Variants in ZNF536 observed in about 807,000 individuals in gnomAD.
The protein encoded by ZNF536 is zinc finger protein 536.
In ZNF536, 13 loss-of-function variants were observed where a neutral mutation model predicts 84.5. The ratio of observed to expected loss-of-function variants is 0.15; its 90% CI spans 0.10 to 0.24. The LOEUF (loss-of-function observed/expected upper bound fraction) is 0.24, where lower values mean the gene tolerates loss of function less well. Ranked by LOEUF, ZNF536 falls within the 10% of genes least tolerant of loss-of-function variation. ZNF536 has a pLI of 1.00. For synonymous variants in ZNF536, 811 were observed against 742.5 expected (o/e 1.09, Z -1.50); for missense variants, 1,536 against 1,747.5 (o/e 0.88, Z 2.16).
At chr19:30,427,615 G>C (rs1345245726) in intron 1 of ZNF536, among the ~76,000 whole-genome samples, 1 of 152,044 alleles carries the variant, frequency 6.6e-6, no homozygotes, top group South Asian at 2.1e-4. Context: ...TAGATTTCTC[G>C]GGGTCATGTA....
chr19:30,453,128 C>T (rs968869853), intron 2 of ZNF536, among the ~76,000 whole-genome samples: 21 of 152,126 alleles, frequency 1.4e-4, no homozygotes, highest in Non-Finnish European at 2.2e-4. Context: ...CTGGCACTGC[C>T]GCAGCCAGGC....
intron 1 of ZNF536, among the ~76,000 whole-genome samples, chr19:30,691,428 T>C (rs1414234148): frequency 6.8e-6 from 1 of 146,196 alleles, no homozygotes; most frequent in Admixed American, 6.8e-5. Context: ...GTTAATCAAA[T>C]TGGGGCTGAG....
chr19:30,453,666 C>T (rs1396346454), intron 2 of ZNF536, among the ~76,000 whole-genome samples: 6 of 152,218 alleles, frequency 3.9e-5, no homozygotes, highest in Admixed American at 1.3e-4. Context: ...CCCTGAGCCA[C>T]ATCTTCAAAA....
chr19:30,442,607 C>T (rs999220528), intron 1 of ZNF536, among the ~76,000 whole-genome samples: 1 of 152,136 alleles, frequency 6.6e-6, no homozygotes, highest in Admixed American at 6.5e-5. Context: ...TATAAGGTAT[C>T]GGTGTTTCCT....
rs1236039573 is a variant in ZNF536 at position 30,383,810 on chromosome 19, TTC to T, written c.-3+11260_-3+11261del. ...TTTCTTTTCTTTCTTTTCTCTTTCT[TTC>T]TCTCTTTCTTTCTTTCTCCTTCTTT... is the stretch of plus-strand genomic sequence containing the variant. On this transcript the variant is annotated intron_variant, in intron 1 of 4. Transcript: ENST00000355537. 1.5e-3 allele frequency among the ~76,000 whole-genome samples: 216 copies of T among 145,218 alleles called. 2 individuals are homozygous for T. Among genetic ancestry groups the T allele is most frequent in the African/African-American group, 5.3e-3 (203 of 38,248 alleles).
intron 2 of ZNF536, among the ~76,000 whole-genome samples, chr19:30,497,304 AC>A (rs1474300819): frequency 6.6e-6 from 1 of 152,168 alleles, no homozygotes; most frequent in African/African-American, 2.4e-5. Flanking sequence ...TTTTATCACA[AC>A]ATGCACAAGC....
intron 4 of ZNF536, among the ~76,000 whole-genome samples, chr19:30,552,435 C>T (rs1341216320): frequency 6.6e-6 from 1 of 152,152 alleles, no homozygotes; most frequent in African/African-American, 2.4e-5. Flanking sequence ...GCTCTGTTCT[C>T]AAGGGGTGTA....
chr19:30,585,186 T>C (rs561146575), intron 1 of ZNF536, among the ~76,000 whole-genome samples: 2 of 151,870 alleles, frequency 1.3e-5, no homozygotes, highest in Non-Finnish European at 2.9e-5. Context: ...GCCCAAGAAA[T>C]AGGCTAAGTT....
At chr19:30,705,093 G>A (rs1170290751) in intron 1 of ZNF536, among the ~76,000 whole-genome samples, 1 of 152,118 alleles carries the variant, frequency 6.6e-6, no homozygotes, top group African/African-American at 2.4e-5. Context: ...CAACAGTACT[G>A]TGCATAGCAA....
At chr19:30,264,966 T>TGTGTGTGTGTGTGTGTGTGA (rs59889852) in intron 1 of ZNF536, among the ~76,000 whole-genome samples, 1 of 133,858 alleles carries the variant, frequency 7.5e-6, no homozygotes, top group African/African-American at 3.0e-5. Flanking sequence ...TGTGTGTGTG[T>TGTGTGTGTGTGTGTGTGTGA]GAGAGAGAGA....
intron 3 of ZNF536, among the ~76,000 whole-genome samples, chr19:30,352,859 G>A (rs2047977183): frequency 1.3e-5 from 2 of 152,124 alleles, no homozygotes; most frequent in Non-Finnish European, 2.9e-5. Context: ...AAATCCTGAG[G>A]TGCTGCTAAC....
intron 2 of ZNF536, among the ~76,000 whole-genome samples, chr19:30,297,374 C>CT (rs1050768030): frequency 1.3e-5 from 2 of 152,134 alleles, no homozygotes; most frequent in Non-Finnish European, 2.9e-5. Flanking sequence ...TACTTAAGTG[C>CT]TTTTTTTAAT....
intron 1 of ZNF536, among the ~76,000 whole-genome samples, chr19:30,581,345 T>C (rs1568573391): frequency 6.6e-6 from 1 of 152,000 alleles, no homozygotes; most frequent in African/African-American, 2.4e-5. Flanking sequence ...GGCATGGTGG[T>C]GGGCGCCTGT....
At chr19:30,537,517 G>A (rs1269501998) in intron 3 of ZNF536, among the ~76,000 whole-genome samples, 2 of 152,214 alleles carry the variant, frequency 1.3e-5, no homozygotes, top group African/African-American at 4.8e-5. Flanking sequence ...GTAAGAGTCA[G>A]TGAGGAAAGG....
chr19:30,596,470 GTGTCT>G (rs2047467165), intron 1 of ZNF536, among the ~76,000 whole-genome samples: 1 of 152,166 alleles, frequency 6.6e-6, no homozygotes, highest in African/African-American at 2.4e-5. Context: ...ATTGGGGCAG[GTGTCT>G]CCCCTGACAC....
chr19:30,528,310 G>A (rs963116983), intron 2 of ZNF536, among the ~76,000 whole-genome samples: 3 of 152,102 alleles, frequency 2.0e-5, no homozygotes, highest in Non-Finnish European at 2.9e-5. Context: ...GGGATGAAGC[G>A]AGAACCAAGA....
chr19:30,450,830 C>T (rs1393511543), intron 2 of ZNF536, among the ~76,000 whole-genome samples: 2 of 152,216 alleles, frequency 1.3e-5, no homozygotes, highest in African/African-American at 4.8e-5. Flanking sequence ...CCCCTGCTTC[C>T]TTATTTTTCT....
chr19:30,693,047 AGAGT>A (rs1197675085), intron 1 of ZNF536, among the ~76,000 whole-genome samples: 7 of 151,092 alleles, frequency 4.6e-5, no homozygotes, highest in Admixed American at 4.6e-4. Context: ...AGAGAGAGAG[AGAGT>A]GTGTGTATAC....
chr19:30,652,575 C>T (rs1215566945), intron 1 of ZNF536, among the ~76,000 whole-genome samples: 1 of 152,148 alleles, frequency 6.6e-6, no homozygotes, highest in Non-Finnish European at 1.5e-5. Flanking sequence ...CTGAGGCCCC[C>T]ATGGATGCAG....
Sources: allele counts gnomAD v4.1 joint callset (sites outside exome capture counted in the v4.1 genomes callset), GRCh38; gene constraint gnomAD v4.1.1; transcripts MANE v1.5; gene names NCBI Gene and HGNC (gene_info 2026-07-23, HGNC 2026-07-21).